Variants in PTCD1 observed in about 807,000 individuals in gnomAD.
PTCD1 encodes the protein pentatricopeptide repeat domain 1.
PTCD1 carries 50 observed loss-of-function variants against 53.4 expected under a neutral mutation model. That is an observed-to-expected ratio of 0.94 (90% CI 0.75 to 1.19). PTCD1 has a LOEUF of 1.19. Among genes scored for constraint, PTCD1 ranks in the 50% most tolerant of loss-of-function variants. The pLI is 0.00. For missense variants in PTCD1, 918 were observed against 904.8 expected (o/e 1.01, Z -0.19); for synonymous variants, 413 against 394.8 (o/e 1.05, Z -0.55).
intron 5 of PTCD1, among the ~76,000 whole-genome samples, chr7:99,427,602 T>C (rs1226344160): frequency 6.6e-6 from 1 of 151,742 alleles, no homozygotes; most frequent in East Asian, 1.9e-4. Flanking sequence ...GTCTGGGAGG[T>C]GTGCCCAGCG....
rs1044791125 is a variant in PTCD1 at position 99,438,781 on chromosome 7, A to C, written c.-116T>G. 5.8e-6 allele frequency: 8 copies of C among 1,372,888 alleles called. No homozygotes were observed. The highest frequency in any genetic ancestry group is 7.7e-6 in the Non-Finnish European group (8 of 1,044,374). The allele number at this position is 1,372,888 out of a possible 1,614,324, so 85.0% of individuals were successfully genotyped here. Reference sequence around the variant, plus strand: ...TCTTCCTCGGGTCCCCCTCTCCCCAAGCGCGCAGGCGCAATCCGCGTCGCC... The same window carrying C: ...TCTTCCTCGGGTCCCCCTCTCCCCACGCGCGCAGGCGCAATCCGCGTCGCC... On this transcript the variant is annotated 5_prime_UTR_variant, in exon 1 of 8. Transcript: ENST00000292478.
In PTCD1 at chr7:99,417,977, C is replaced by T. The variant is rs962410640; in HGVS notation, c.*1990G>A. On this transcript the variant is annotated 3_prime_UTR_variant, in exon 8 of 8. Coordinates refer to ENST00000292478, the MANE Select transcript of PTCD1 (RefSeq NM_015545.4). ...TTAACATTACCATCACTATCTTTCC[C>T]GCCCCCCCAAGACGGAGTCTTGCTT... 6.5e-5 allele frequency: 77 copies of T among 1,180,394 alleles called. No homozygotes were observed. Among genetic ancestry groups the T allele is most frequent in the African/African-American group, 5.6e-4 (35 of 62,272 alleles). 73.1% of individuals were successfully genotyped at this position (1,180,394 alleles called of 1,614,324 possible).
rs149898969 is a variant in PTCD1, at chr7:99,424,828, C to T, written c.1704G>A (p.Pro568=). Residue 568 remains proline, a synonymous_variant, in exon 6 of 8, where the codon CCG becomes CCA. Coordinates refer to ENST00000292478, the MANE Select transcript of PTCD1 (RefSeq NM_015545.4). The part of the protein sequence containing the change: ...FCNLAIGCHR[P]KDGLQLLTDM... Reference sequence around the variant, plus strand: ...CTGTGAGAAGCTGTAGACCGTCCTTCGGCCTGTGGCACCCGATGGCCAGGT... The same window carrying T: ...CTGTGAGAAGCTGTAGACCGTCCTTTGGCCTGTGGCACCCGATGGCCAGGT... 8.0e-4 allele frequency: 1,293 copies of T among 1,614,242 alleles called. 9 individuals are homozygous for T. In the African/African-American group the frequency reaches 0.014, roughly 17 times the overall value.
intron 5 of PTCD1, among the ~76,000 whole-genome samples, chr7:99,426,337 G>A (rs1022192226): frequency 2.6e-5 from 4 of 152,180 alleles, no homozygotes; most frequent in African/African-American, 7.2e-5. Flanking sequence ...TTGCAGGCGC[G>A]CGCCACCACG....
chr7:99,419,215 T>G lies in PTCD1; in HGVS notation c.*752A>C. 1 of 640,754 alleles carries G rather than the reference T, an allele frequency of 1.6e-6. No homozygotes were observed. The highest frequency in any genetic ancestry group is 2.8e-6 in the Non-Finnish European group (1 of 360,974). The allele number at this position is 640,754 out of a possible 1,614,324, so 39.7% of individuals were successfully genotyped here. A position where few individuals can be genotyped will look rare whatever the true frequency, so the allele number is the denominator to read the frequency against. On this transcript the variant is annotated 3_prime_UTR_variant, in exon 8 of 8. Coordinates refer to ENST00000292478, the MANE Select transcript of PTCD1 (RefSeq NM_015545.4). ...AACCTCGGTGTCAACAGCAGCTGGT[T>G]CTACCTTCATGAGGGAGCCAAATTT...
At position 99,419,442 on chromosome 7, in the gene PTCD1, G is replaced by A. The variant is rs764336172; in HGVS notation, c.*525C>T. On this transcript the variant is annotated 3_prime_UTR_variant, in exon 8 of 8. Transcript: ENST00000292478. ...TGGCTGTCGTGGCTGCTCTGGCTGA[G>A]GCTGGCGCGCTCCACCCTGGACTCT... 8.7e-6 allele frequency: 14 copies of A among 1,611,534 alleles called. 1 individual carries two copies. The highest frequency in any genetic ancestry group is 1.7e-4 in the Middle Eastern group (1 of 6,060).
Position 99,423,895 on chromosome 7 carries a change from C to G in PTCD1, c.1800G>C (p.Lys600Asn), listed in dbSNP as rs761961610. Reference protein sequence around the residue: ...YSALINAAIRKLNYTYLISIL... With the variant: ...YSALINAAIRNLNYTYLISIL... ...TGCTGATGAGATAGGTGTAGTTCAG[C>G]TTCCTGATGGCCGCGTTGATGAGGG... Residue 600 changes from lysine to asparagine, a missense_variant, in exon 7 of 8, where the codon AAG (lysine) becomes AAC (asparagine). Lys to Asn is a moderately conservative substitution (Grantham distance 94). Transcript: ENST00000292478. 3 of 1,614,042 alleles carry G rather than the reference C, an allele frequency of 1.9e-6. No homozygotes were observed. In the East Asian group the frequency reaches 6.7e-5, roughly 36 times the overall value.
At position 99,425,276 on chromosome 7, in the gene PTCD1, T is replaced by A. The variant is rs374520637; in HGVS notation, c.1256A>T (p.Glu419Val). 1.9e-6 allele frequency: 3 copies of A among 1,613,390 alleles called. No individual in the cohort carries two copies. The African/African-American group carries it at 4.0e-5, about 22-fold the overall frequency. Reference sequence around the variant, plus strand: ...GGTGAGGGCTGCTGTGTGGCTGGGCTCTGCCTTAGTATCCACCTCTGGTTG... The same window carrying A: ...GGTGAGGGCTGCTGTGTGGCTGGGCACTGCCTTAGTATCCACCTCTGGTTG... ...KAQPEVDTKA[E>V]PSHTAALTAV... Residue 419 changes from glutamate (E) to valine (V), a missense_variant, in exon 6 of 8, where the codon GAG (glutamate) becomes GTG (valine). Glu to Val is a moderately radical substitution (Grantham distance 121). Transcript: ENST00000292478.
Position 99,417,740 on chromosome 7 carries a change from C to T in PTCD1, c.*2227G>A. The T allele has an allele frequency of 6.5e-7, 1 of 1,535,348 alleles. No homozygotes were observed. The highest frequency in any genetic ancestry group is 2.4e-5 in the East Asian group (1 of 40,870). ...CTGGCTCTCCCTCGTGGGAGTGGGT[C>T]CCTGTATTCAGGAATCCATGTGAGG... On this transcript the variant is annotated 3_prime_UTR_variant, in exon 8 of 8. Coordinates refer to ENST00000292478, the MANE Select transcript of PTCD1 (RefSeq NM_015545.4).
chr7:99,438,603 G>A, intron 1 of PTCD1, 89 bp downstream of exon 1: 1 of 1,152,472 alleles, frequency 8.7e-7, no homozygotes, highest in Non-Finnish European at 1.1e-6. Context: ...GACGCCCCCG[G>A]CTCCAATCCC....
chr7:99,428,523 CAT>C (rs1236838342), intron 5 of PTCD1, among the ~76,000 whole-genome samples: 11 of 151,834 alleles, frequency 7.2e-5, no homozygotes, highest in Non-Finnish European at 1.2e-4. Context: ...GGGCAGATCA[CAT>C]GAGGCCAGGA....
At position 99,429,474 on chromosome 7, in the gene PTCD1, C is replaced by T. The variant is rs937231687; in HGVS notation, c.813+114G>A. 4.0e-6 allele frequency: 6 copies of T among 1,491,262 alleles called. No homozygotes were observed. The African/African-American group carries it at 6.9e-5, about 17-fold the overall frequency. The allele number at this position is 1,491,262 out of a possible 1,614,324, so 92.4% of individuals were successfully genotyped here. A position where few individuals can be genotyped will look rare whatever the true frequency, so the allele number is the denominator to read the frequency against. ...TGTGAACCCCAGGGCCCAATACCGGCTGTCTCATCCTCCCTAAGCCTTCCT... is the reference window on the plus strand; with the variant it reads ...TGTGAACCCCAGGGCCCAATACCGGTTGTCTCATCCTCCCTAAGCCTTCCT... On this transcript the variant is annotated intron_variant, in intron 4 of 7. Coordinates refer to ENST00000292478, the MANE Select transcript of PTCD1 (RefSeq NM_015545.4).
chr7:99,427,482 G>C (rs1399506308), intron 5 of PTCD1, among the ~76,000 whole-genome samples: 2 of 144,878 alleles, frequency 1.4e-5, no homozygotes, highest in African/African-American at 5.1e-5. Context: ...AGGGAGGTGG[G>C]GGGGGTCAGC....
chr7:99,422,613 G>C (rs1584452695), intron 7 of PTCD1, among the ~76,000 whole-genome samples: 1 of 152,300 alleles, frequency 6.6e-6, no homozygotes, highest in South Asian at 2.1e-4. Flanking sequence ...TTCTAACAAA[G>C]AGCAGCCTGA....
At chr7:99,429,480 C>G in intron 4 of PTCD1, 108 bp downstream of exon 4, 2 of 1,530,146 alleles carry the variant, frequency 1.3e-6, no homozygotes, top group Non-Finnish European at 1.8e-6. Context: ...CCGGCTGTCT[C>G]ATCCTCCCTA....
At chr7:99,428,183 G>A (rs904756767) in intron 5 of PTCD1, among the ~76,000 whole-genome samples, 3 of 151,750 alleles carry the variant, frequency 2.0e-5, no homozygotes, top group Non-Finnish European at 1.5e-5. Context: ...GCCGGATCAC[G>A]AGGTAGGAGA....
intron 7 of PTCD1, among the ~76,000 whole-genome samples, chr7:99,422,389 G>A (rs543594745): frequency 6.6e-6 from 1 of 152,328 alleles, no homozygotes; most frequent in Non-Finnish European, 1.5e-5. Flanking sequence ...TCAGCACAGA[G>A]TGTGATTCGA....
chr7:99,423,701 C>A, intron 7 of PTCD1, 74 bp downstream of exon 7: 2 of 1,607,964 alleles, frequency 1.2e-6, no homozygotes, highest in Non-Finnish European at 1.7e-6. Flanking sequence ...AGGGCCAGAA[C>A]CGGGGTTGGG....
rs889803249 is a variant in PTCD1 at position 99,419,649 on chromosome 7, A to G, written c.*318T>C. 3 of 757,558 alleles carry G rather than the reference A, an allele frequency of 4.0e-6. No homozygotes were observed. Among genetic ancestry groups the G allele is most frequent in the African/African-American group, 1.8e-5 (1 of 56,610 alleles). The allele number at this position is 757,558 out of a possible 1,614,324, so 46.9% of individuals were successfully genotyped here. A position where few individuals can be genotyped will look rare whatever the true frequency, so the allele number is the denominator to read the frequency against. Reference sequence around the variant, plus strand: ...GTCTCTTCTTTCAGAGCATCGGCCTATGGAACCCGGCGGGGCGGCCCAGGC... The same window carrying G: ...GTCTCTTCTTTCAGAGCATCGGCCTGTGGAACCCGGCGGGGCGGCCCAGGC... On this transcript the variant is annotated 3_prime_UTR_variant, in exon 8 of 8. Coordinates refer to ENST00000292478, the MANE Select transcript of PTCD1 (RefSeq NM_015545.4).
Sources: gnomAD v4.1 joint callset for allele counts (sites outside exome capture counted in the v4.1 genomes callset) on GRCh38, gnomAD v4.1.1 for gene constraint, MANE v1.5 for transcripts, NCBI Gene and HGNC (gene_info 2026-07-23, HGNC 2026-07-21) for gene names.